Variants in TMCO4 observed in about 807,000 individuals in gnomAD.
TMCO4 encodes the protein transmembrane and coiled-coil domain-containing protein 4.
Under a neutral mutation model 64.7 loss-of-function variants are expected in TMCO4, and 58 were observed. The ratio of observed to expected loss-of-function variants is 0.90; its 90% CI spans 0.73 to 1.12. The LOEUF is 1.12. TMCO4 is among the 50% of genes most tolerant of loss of function. The pLI is 0.00. For synonymous variants in TMCO4, 325 were observed against 346.1 expected, an observed-to-expected ratio of 0.94 and a Z score of 0.68; for missense variants, 780 against 825.9, an observed-to-expected ratio of 0.94 and a Z score of 0.68.
In TMCO4 at chr1:19,743,964, G is replaced by A. The variant is rs983291055; in HGVS notation, c.877+1568C>T. On this transcript the variant is annotated intron_variant, in intron 10 of 15. Coordinates refer to ENST00000294543, the MANE Select transcript of TMCO4 (RefSeq NM_181719.7). This position sits in a 1 kb window ranked among gnomAD's most constrained non-coding sequence, Gnocchi z 4.1. Reference sequence around the variant, plus strand: ...GGTGTGAACGAGGCGCTCACTGAACGCTAGTGACCTCTGTGCATGGGTGGT... The same window carrying A: ...GGTGTGAACGAGGCGCTCACTGAACACTAGTGACCTCTGTGCATGGGTGGT... Among the ~76,000 whole-genome samples the A allele has an allele frequency of 1.3e-5, 2 of 152,168 alleles. No homozygotes were observed. The highest frequency in any genetic ancestry group is 6.5e-5 in the Admixed American group (1 of 15,284).
At chr1:19,793,571 G>A (rs2044159721) in intron 2 of TMCO4, among the ~76,000 whole-genome samples, 1 of 152,284 alleles carries the variant, frequency 6.6e-6, no homozygotes, top group African/African-American at 2.4e-5. Context: ...GGAAGCGAGA[G>A]GTCAGTGAGG....
In TMCO4 at chr1:19,734,802, AC is replaced by A. The variant is rs1189559270; in HGVS notation, c.1264+2569del. Among the ~76,000 whole-genome samples, 1 of 152,066 alleles carries A rather than the reference AC, an allele frequency of 6.6e-6. No individual in the cohort carries two copies. Among genetic ancestry groups the A allele is most frequent in the Non-Finnish European group, 1.5e-5 (1 of 67,990 alleles). ...CCTGGGCCTGAATCCTGGCTCTGGC[AC>A]TTAGGATTCTTGTGGCTTCACCTCT... On this transcript the variant is annotated intron_variant, in intron 13 of 15. Coordinates refer to ENST00000294543, the MANE Select transcript of TMCO4 (RefSeq NM_181719.7). The surrounding 1 kb of genome is among the most constrained non-coding windows in gnomAD (Gnocchi z 4.4).
At chr1:19,747,730 C>T (rs2041855165) in intron 7 of TMCO4, among the ~76,000 whole-genome samples, 1 of 152,132 alleles carries the variant, frequency 6.6e-6, no homozygotes, top group African/African-American at 2.4e-5. Flanking sequence ...AGACCTTGGC[C>T]TTGGAGCAGT....
At chr1:19,765,531 A>C (rs964749413) in intron 6 of TMCO4, among the ~76,000 whole-genome samples, 1 of 151,472 alleles carries the variant, frequency 6.6e-6, no homozygotes, top group South Asian at 2.1e-4. Flanking sequence ...GGATGTGGCT[A>C]AGCAGCCCAT....
In TMCO4 at chr1:19,713,745, AC is replaced by A. The variant is rs543997414; in HGVS notation, c.1265-12861del. ...AACAACAACAACAAAAACAAAAAAAACATGCTCCTTGAAGCGCAGAGATTCA... is the reference window on the plus strand; with the variant it reads ...AACAACAACAACAAAAACAAAAAAAAATGCTCCTTGAAGCGCAGAGATTCA... On this transcript the variant is annotated intron_variant, in intron 13 of 15. Coordinates refer to ENST00000294543, the MANE Select transcript of TMCO4 (RefSeq NM_181719.7). Among the ~76,000 whole-genome samples, 260 of 152,254 alleles carry A rather than the reference AC, an allele frequency of 1.7e-3. 1 individual carries two copies. The highest frequency in any genetic ancestry group is 0.011 in the South Asian group (52 of 4,826).
chr1:19,782,913 G>C (rs937382665), intron 3 of TMCO4, among the ~76,000 whole-genome samples: 6 of 152,126 alleles, frequency 3.9e-5, no homozygotes, highest in African/African-American at 1.4e-4. Flanking sequence ...CCTACAGATG[G>C]GACCATACAG....
At chr1:19,751,284 G>A (rs1009631) in intron 7 of TMCO4, among the ~76,000 whole-genome samples, 7,297 of 152,294 alleles carry the variant, frequency 0.048, 206 homozygotes, top group African/African-American at 0.079. Flanking sequence ...GAGAGGTACA[G>A]GATGGACATG....
At chr1:19,736,912 T>C (rs2095457387) in intron 13 of TMCO4, among the ~76,000 whole-genome samples, 1 of 152,202 alleles carries the variant, frequency 6.6e-6, no homozygotes, top group African/African-American at 2.4e-5. Context: ...CTAAATCCAA[T>C]GACTCTGTCT....
intron 4 of TMCO4, among the ~76,000 whole-genome samples, chr1:19,777,263 G>A (rs562017428): frequency 6.6e-6 from 1 of 152,066 alleles, no homozygotes; most frequent in East Asian, 1.9e-4. Context: ...TGTCCTGTGA[G>A]GGTGTGATGT....
At chr1:19,710,982 T>TTTC (rs1406879990) in intron 13 of TMCO4, among the ~76,000 whole-genome samples, 1 of 152,198 alleles carries the variant, frequency 6.6e-6, no homozygotes, top group African/African-American at 2.4e-5. Flanking sequence ...CACGACACAC[T>TTTC]TTCTAGTCTT....
rs182464926 is a variant in TMCO4, at chr1:19,770,529, A to G, written c.382+13T>C. 6.2e-7 allele frequency: 1 copy of G among 1,613,910 alleles called. No individual in the cohort carries two copies. Among genetic ancestry groups the G allele is most frequent in the East Asian group, 2.2e-5 (1 of 44,876 alleles). ...GGTACCCACCATTTACAGAGCTTAG[A>G]AAATCAACTTACCATCCTTGAGTGA... On this transcript the variant is annotated intron_variant, in intron 6 of 15. Coordinates refer to ENST00000294543, the MANE Select transcript of TMCO4 (RefSeq NM_181719.7).
At position 19,776,818 on chromosome 1, in the gene TMCO4, G is replaced by A. The variant is rs533665147; in HGVS notation, c.179+3762C>T. 5.3e-5 allele frequency among the ~76,000 whole-genome samples: 8 copies of A among 152,206 alleles called. No individual in the cohort carries two copies. In the South Asian group the frequency reaches 1.7e-3, roughly 32 times the overall value. On this transcript the variant is annotated intron_variant, in intron 4 of 15. Coordinates refer to ENST00000294543, the MANE Select transcript of TMCO4 (RefSeq NM_181719.7). Reference sequence around the variant, plus strand: ...AAGGTGGGCAGATCACTTGAAGTCAGGAGTTCAAGACTAGCCTGGCCAACA... The same window carrying A: ...AAGGTGGGCAGATCACTTGAAGTCAAGAGTTCAAGACTAGCCTGGCCAACA...
At chr1:19,735,058 A>AG (rs892967953) in intron 13 of TMCO4, among the ~76,000 whole-genome samples, 3 of 152,054 alleles carry the variant, frequency 2.0e-5, no homozygotes, top group Non-Finnish European at 2.9e-5. Flanking sequence ...GCTGGGCACT[A>AG]GGGGGGCGGC....
At chr1:19,761,787 G>A (rs2042516101) in intron 6 of TMCO4, among the ~76,000 whole-genome samples, 1 of 152,216 alleles carries the variant, frequency 6.6e-6, no homozygotes, top group African/African-American at 2.4e-5. Context: ...CCTACCCCAG[G>A]AAACAGAGCA....
intron 13 of TMCO4, among the ~76,000 whole-genome samples, chr1:19,728,184 C>T (rs996144880): frequency 6.6e-6 from 1 of 152,162 alleles, no homozygotes; most frequent in East Asian, 1.9e-4. Flanking sequence ...CAAGCCTGCA[C>T]ATGTACCCCA....
chr1:19,731,893 C>T (rs750123451), intron 13 of TMCO4, among the ~76,000 whole-genome samples: 2 of 152,264 alleles, frequency 1.3e-5, no homozygotes, highest in Non-Finnish European at 2.9e-5. Context: ...TTGTTTCCAA[C>T]TCCCCATTTC....
In TMCO4 at chr1:19,734,489, A is replaced by G. The variant is rs1004647897; in HGVS notation, c.1264+2883T>C. On this transcript the variant is annotated intron_variant, in intron 13 of 15. Transcript: ENST00000294543. The surrounding 1 kb of genome is among the most constrained non-coding windows in gnomAD (Gnocchi z 4.4). ...ATCCACTCAGTTACTCATTCACTCC[A>G]CAGTTTAAAGACCTCAATCTTTCCC... Among the ~76,000 whole-genome samples, 5 of 152,068 alleles carry G rather than the reference A, an allele frequency of 3.3e-5. No individual in the cohort carries two copies. Among genetic ancestry groups the G allele is most frequent in the Admixed American group, 6.6e-5 (1 of 15,262 alleles).
At chr1:19,784,346 C>T (rs1017725628) in intron 3 of TMCO4, among the ~76,000 whole-genome samples, 3 of 152,020 alleles carry the variant, frequency 2.0e-5, no homozygotes, top group African/African-American at 7.3e-5. Flanking sequence ...CCAGCCTGGC[C>T]AACATAGTGA....
chr1:19,736,074 G>A (rs2095452984), intron 13 of TMCO4, among the ~76,000 whole-genome samples: 1 of 152,134 alleles, frequency 6.6e-6, no homozygotes, highest in African/African-American at 2.4e-5. Flanking sequence ...AGAGGCAAAT[G>A]GTCTTGCCAA....
Sources: allele counts gnomAD v4.1 joint callset (sites outside exome capture counted in the v4.1 genomes callset), GRCh38; gene constraint gnomAD v4.1.1; non-coding constraint Gnocchi (gnomAD v3.1); transcripts MANE v1.5; gene names NCBI Gene and HGNC (gene_info 2026-07-23, HGNC 2026-07-21).